The following MAGI3 variants were observed in gnomAD, a reference collection of about 807,000 sequenced individuals.
MAGI3 encodes the protein membrane-associated guanylate kinase, WW and PDZ domain-containing protein 3.
A neutral mutation model predicts 121.8 loss-of-function variants in MAGI3; 43 were observed. The observed-to-expected ratio is 0.35, with a 90% CI of 0.28 to 0.46. The LOEUF is 0.46. Ranked by LOEUF, MAGI3 falls within the 20% of genes least tolerant of loss-of-function variation. The pLI is 1.00. For synonymous variants in MAGI3, 553 were observed against 639.3 expected (o/e 0.86, Z 2.04); for missense variants, 1,547 against 1,797.3 (o/e 0.86, Z 2.52).
At chr1:113,600,500 G>T (rs2101750901) in intron 6 of MAGI3, among the ~76,000 whole-genome samples, 1 of 152,076 alleles carries the variant, frequency 6.6e-6, no homozygotes, top group East Asian at 1.9e-4. Context: ...AAATACCTAG[G>T]AATCCAACTT....
At chr1:113,654,274 T>A (rs1218715411) in intron 15 of MAGI3, among the ~76,000 whole-genome samples, 2 of 152,244 alleles carry the variant, frequency 1.3e-5, no homozygotes, top group Non-Finnish European at 2.9e-5. Context: ...AAGGTTATAC[T>A]GAAGACAGTA....
chr1:113,571,577 G>C (rs1647293027), intron 2 of MAGI3, among the ~76,000 whole-genome samples: 1 of 152,108 alleles, frequency 6.6e-6, no homozygotes, highest in Non-Finnish European at 1.5e-5. Context: ...TTGAGCAGTG[G>C]TTTGTAGTTC....
At chr1:113,503,338 T>G (rs1269720628) in intron 1 of MAGI3, among the ~76,000 whole-genome samples, 1 of 136,860 alleles carries the variant, frequency 7.3e-6, no homozygotes, top group African/African-American at 2.8e-5. Context: ...AAAAAAGGCT[T>G]AATTGATTGA....
At chr1:113,630,075 T>C (rs1057261386) in intron 9 of MAGI3, among the ~76,000 whole-genome samples, 2 of 152,132 alleles carry the variant, frequency 1.3e-5, no homozygotes, top group African/African-American at 4.8e-5. Flanking sequence ...TTCAGAGATA[T>C]CGTCTGGGAG....
At chr1:113,431,341 A>G (rs919143780) in intron 1 of MAGI3, among the ~76,000 whole-genome samples, 1 of 152,186 alleles carries the variant, frequency 6.6e-6, no homozygotes, top group South Asian at 2.1e-4. Flanking sequence ...TTAGACATTA[A>G]TATATAACTT....
chr1:113,679,708 G>T (rs866981239), intron 19 of MAGI3, among the ~76,000 whole-genome samples: 14 of 136,094 alleles, frequency 1.0e-4, no homozygotes, highest in Admixed American at 2.2e-4. Flanking sequence ...CCTGAAAAAT[G>T]ATTTTTTTTT....
At chr1:113,633,059 C>A (rs1005866354) in intron 9 of MAGI3, among the ~76,000 whole-genome samples, 2 of 105,792 alleles carry the variant, frequency 1.9e-5, no homozygotes, top group African/African-American at 7.3e-5. Flanking sequence ...CCCCCTCCCC[C>A]CACCCCACAG....
intron 19 of MAGI3, 53 bp downstream of exon 19, chr1:113,673,518 C>A: frequency 6.5e-7 from 1 of 1,544,166 alleles, no homozygotes; most frequent in Non-Finnish European, 8.8e-7. Flanking sequence ...CTAGAAACTT[C>A]GAAAGATATT....
intron 1 of MAGI3, among the ~76,000 whole-genome samples, chr1:113,405,986 C>T (rs2027537): frequency 0.023 from 3,558 of 151,864 alleles, 132 homozygotes; most frequent in African/African-American, 0.081. Context: ...CCAGAACATC[C>T]GTATATATGT....
intron 1 of MAGI3, among the ~76,000 whole-genome samples, chr1:113,415,987 T>C (rs200447215): frequency 0.24 from 17,389 of 72,946 alleles, 1,978 homozygotes; most frequent in East Asian, 0.66. Context: ...TTATATATAT[T>C]AATTATATAA....
intron 1 of MAGI3, among the ~76,000 whole-genome samples, chr1:113,476,917 T>G (rs937775594): frequency 1.3e-5 from 2 of 152,250 alleles, no homozygotes; most frequent in East Asian, 3.8e-4. Context: ...CTGGATTGGG[T>G]GCATATGTAT....
At chr1:113,519,174 G>A (rs1231311827) in intron 1 of MAGI3, among the ~76,000 whole-genome samples, 1 of 152,016 alleles carries the variant, frequency 6.6e-6, no homozygotes, top group African/African-American at 2.4e-5. Flanking sequence ...TGGGATTTAT[G>A]TGAACTTGGG....
At chr1:113,490,958 A>G (rs1036838659) in intron 1 of MAGI3, among the ~76,000 whole-genome samples, 1 of 152,138 alleles carries the variant, frequency 6.6e-6, no homozygotes, top group South Asian at 2.1e-4. Flanking sequence ...CCCACTGACA[A>G]TGTTAGATAA....
chr1:113,652,696 G>A (rs1458804065), intron 14 of MAGI3, among the ~76,000 whole-genome samples: 1 of 151,884 alleles, frequency 6.6e-6, no homozygotes, highest in Non-Finnish European at 1.5e-5. Flanking sequence ...TTAAAACCAT[G>A]TGAATTTTCA....
chr1:113,419,942 G>T (rs867719077), intron 1 of MAGI3, among the ~76,000 whole-genome samples: 3 of 152,050 alleles, frequency 2.0e-5, no homozygotes, highest in Non-Finnish European at 2.9e-5. Context: ...CTCTCCTTCC[G>T]TTGTCACATC....
At chr1:113,411,661 G>A (rs182836621) in intron 1 of MAGI3, among the ~76,000 whole-genome samples, 1 of 150,940 alleles carries the variant, frequency 6.6e-6, no homozygotes, top group Admixed American at 6.6e-5. Flanking sequence ...CTTCTTTGAA[G>A]GAAATTGATT....
chr1:113,570,048 C>T (rs898332347), intron 2 of MAGI3, among the ~76,000 whole-genome samples: 1 of 152,094 alleles, frequency 6.6e-6, no homozygotes, highest in Non-Finnish European at 1.5e-5. Context: ...CCTTGCCCCC[C>T]ACACCCCGAC....
intron 1 of MAGI3, among the ~76,000 whole-genome samples, chr1:113,443,752 T>C (rs1328100599): frequency 3.3e-5 from 5 of 152,226 alleles, no homozygotes; most frequent in African/African-American, 1.2e-4. Flanking sequence ...TGTTGTGACA[T>C]TGTTTTTAAG....
rs545602689 is a variant in MAGI3, at chr1:113,465,759, A to G, written c.316+74410A>G. Among the ~76,000 whole-genome samples, 17 of 152,078 alleles carry G rather than the reference A, an allele frequency of 1.1e-4. No individual in the cohort carries two copies. In the East Asian group the frequency reaches 3.3e-3, roughly 29 times the overall value. On this transcript the variant is annotated intron_variant, in intron 1 of 20. Coordinates refer to ENST00000307546, the MANE Select transcript of MAGI3 (RefSeq NM_001142782.2). The stretch of plus-strand genomic sequence containing the variant: ...CCAGGATTTTATATTCATTGTAGCT[A>G]TTGTAGATGGGATTGCTTTCTTGAT...
Sources: gnomAD v4.1 joint callset for allele counts (sites outside exome capture counted in the v4.1 genomes callset) on GRCh38, gnomAD v4.1.1 for gene constraint, MANE v1.5 for transcripts, NCBI Gene and HGNC (gene_info 2026-07-23, HGNC 2026-07-21) for gene names.